Variants in ANKRD7 observed in about 807,000 individuals in gnomAD.
ANKRD7 encodes the protein ankyrin repeat domain 7.
Under a neutral mutation model 30.8 loss-of-function variants are expected in ANKRD7, and 30 were observed. The observed-to-expected ratio is 0.97, with a 90% CI of 0.73 to 1.32. The LOEUF is 1.32. Among genes scored for constraint, ANKRD7 ranks in the 40% most tolerant of loss-of-function variants. The probability of loss-of-function intolerance (pLI) is 0.00; values close to 1 mark genes in which losing one functional copy is unlikely to be tolerated. For missense variants in ANKRD7, 264 were observed against 295.7 expected, an observed-to-expected ratio of 0.89 and a Z score of 0.79; for synonymous variants, 97 against 106.6, an observed-to-expected ratio of 0.91 and a Z score of 0.55.
intron 1 of ANKRD7, among the ~76,000 whole-genome samples, chr7:118,233,214 C>T (rs533187944): frequency 1.3e-5 from 2 of 152,132 alleles, no homozygotes; most frequent in East Asian, 1.9e-4. Flanking sequence ...CTTCTTTGTT[C>T]GTTCCTTAAA....
At chr7:118,241,819 G>C (rs1375571662) in intron 6 of ANKRD7, among the ~76,000 whole-genome samples, 1 of 152,046 alleles carries the variant, frequency 6.6e-6, no homozygotes, top group South Asian at 2.1e-4. Context: ...AATTACATGC[G>C]TGAGCCACTG....
At chr7:118,230,796 T>C (rs1362969694) in intron 1 of ANKRD7, among the ~76,000 whole-genome samples, 1 of 151,974 alleles carries the variant, frequency 6.6e-6, no homozygotes, top group Non-Finnish European at 1.5e-5. Flanking sequence ...TTTGTTTTGT[T>C]TGAATTTTTA....
intron 1 of ANKRD7, among the ~76,000 whole-genome samples, chr7:118,230,176 C>T (rs1269207216): frequency 6.6e-6 from 1 of 151,774 alleles, no homozygotes; most frequent in Non-Finnish European, 1.5e-5. Flanking sequence ...GAAATCCTAG[C>T]CAGAAAAATC....
intron 1 of ANKRD7, chr7:118,227,880 T>C (rs953746956): frequency 2.2e-5 from 30 of 1,343,790 alleles, no homozygotes; most frequent in Admixed American, 6.1e-5. Context: ...AAAGGATTTG[T>C]ATTTAGCTTA....
intron 1 of ANKRD7, among the ~76,000 whole-genome samples, chr7:118,228,778 C>T (rs1420153163): frequency 1.3e-5 from 2 of 152,164 alleles, no homozygotes; most frequent in Non-Finnish European, 2.9e-5. Flanking sequence ...AACATCCAAG[C>T]ATTTCTTGCC....
At chr7:118,233,067 A>G (rs150195825) in intron 1 of ANKRD7, among the ~76,000 whole-genome samples, 2 of 152,298 alleles carry the variant, frequency 1.3e-5, no homozygotes, top group South Asian at 2.1e-4. Context: ...TCATTGTATC[A>G]GGATTACTGA....
chr7:118,234,322 A>G (rs1584724381), intron 1 of ANKRD7, 109 bp from the exon 2 acceptor site: 1 of 543,820 alleles, frequency 1.8e-6, no homozygotes, highest in East Asian at 3.0e-5. Flanking sequence ...AAATATGTGC[A>G]TGAAGCAAGT....
Position 118,234,741 on chromosome 7 carries a change from T to C in ANKRD7, c.335T>C (p.Leu112Pro). Residue 112 changes from leucine (L) to proline (P), a missense_variant, in exon 3 of 7, where the codon CTA becomes CCA. By Grantham distance (98) the Leu-to-Pro change is moderately conservative. Coordinates refer to ENST00000265224, the MANE Select transcript of ANKRD7 (RefSeq NM_019644.4). ...AATGAGGATTGTGCTACTATTCTTC[T>C]AAACTTTGGTGCAGACCCAGATCTG... ...CQNEDCATIL[L>P]NFGADPDLRD... is the part of the protein sequence containing the mutation. The C allele has an allele frequency of 6.2e-7, 1 of 1,612,224 alleles. No individual in the cohort carries two copies. The highest frequency in any genetic ancestry group is 8.5e-7 in the Non-Finnish European group (1 of 1,179,506).
Position 118,233,525 on chromosome 7 carries a change from CT to C in ANKRD7, c.180-901del, listed in dbSNP as rs199988542. 9.8e-3 allele frequency among the ~76,000 whole-genome samples: 1,485 copies of C among 152,018 alleles called. 25 individuals are homozygous for C. Among genetic ancestry groups the C allele is most frequent in the African/African-American group, 0.034 (1,398 of 41,492 alleles). On this transcript the variant is annotated intron_variant, in intron 1 of 6. Transcript: ENST00000265224. ...TTGTGTATAGGTTTTGTTTGTTTAT[CT>C]TTTTGAAAATTGCCTTATTTTTAAG...
At chr7:118,238,924 A>G (rs1479729048) in intron 5 of ANKRD7, among the ~76,000 whole-genome samples, 1 of 152,222 alleles carries the variant, frequency 6.6e-6, no homozygotes, top group African/African-American at 2.4e-5. Flanking sequence ...TTTTGGAGAT[A>G]GAGCCTTTAA....
At chr7:118,241,361 TAGA>T (rs1247738495) in intron 6 of ANKRD7, among the ~76,000 whole-genome samples, 1 of 151,256 alleles carries the variant, frequency 6.6e-6, no homozygotes, top group Non-Finnish European at 1.5e-5. Flanking sequence ...AAAAAGGACA[TAGA>T]AGGAGTGTGG....
At chr7:118,240,966 A>G (rs981898644) in intron 6 of ANKRD7, among the ~76,000 whole-genome samples, 80 of 150,540 alleles carry the variant, frequency 5.3e-4, no homozygotes, top group African/African-American at 1.8e-3. Flanking sequence ...CATCCTGGCT[A>G]ACAAGGTGAA....
chr7:118,235,234 C>T (rs2116014712), intron 3 of ANKRD7, among the ~76,000 whole-genome samples: 1 of 152,092 alleles, frequency 6.6e-6, no homozygotes, highest in African/African-American at 2.4e-5. Flanking sequence ...ATAATAATAA[C>T]AGGGTTGAAA....
intron 1 of ANKRD7, among the ~76,000 whole-genome samples, chr7:118,231,404 A>G (rs1380400281): frequency 6.6e-6 from 1 of 152,054 alleles, no homozygotes; most frequent in Middle Eastern, 3.2e-3. Context: ...GTGGAGGCCC[A>G]ATTCTAAATT....
At chr7:118,240,984 C>G (rs1809825382) in intron 6 of ANKRD7, among the ~76,000 whole-genome samples, 1 of 149,586 alleles carries the variant, frequency 6.7e-6, no homozygotes, top group Non-Finnish European at 1.5e-5. Flanking sequence ...GAAACCCCGT[C>G]TCTACTAAAA....
At chr7:118,236,281 CA>C (rs1223394013) in intron 4 of ANKRD7, 134 bp downstream of exon 4, 1 of 521,946 alleles carries the variant, frequency 1.9e-6, no homozygotes, top group Non-Finnish European at 3.4e-6. Context: ...AATATAGAAC[CA>C]TAAGACCCGT....
chr7:118,225,110 C>A, intron 1 of ANKRD7, 101 bp downstream of exon 1: 1 of 1,328,600 alleles, frequency 7.5e-7, no homozygotes. Context: ...ATTGTCACTC[C>A]GGGTTTCCCA....
intron 1 of ANKRD7, among the ~76,000 whole-genome samples, chr7:118,232,720 T>TTGTGTGTGTG (rs3061652): frequency 6.9e-6 from 1 of 145,922 alleles, no homozygotes; most frequent in Non-Finnish European, 1.5e-5. Context: ...AGCAGTGTGT[T>TTGTGTGTGTG]TGTGTGTGTG....
chr7:118,230,336 A>T (rs745424598), intron 1 of ANKRD7, among the ~76,000 whole-genome samples: 47 of 151,970 alleles, frequency 3.1e-4, no homozygotes, highest in Admixed American at 2.0e-4. Flanking sequence ...TACCTATTAG[A>T]TGCTATGTTC....
Sources: allele counts gnomAD v4.1 joint callset (sites outside exome capture counted in the v4.1 genomes callset), GRCh38; gene constraint gnomAD v4.1.1; transcripts MANE v1.5; gene names NCBI Gene and HGNC (gene_info 2026-07-23, HGNC 2026-07-21).